Variants in LRRC9 observed in about 807,000 individuals in gnomAD.
The protein encoded by LRRC9 is leucine-rich repeat-containing protein 9.
LRRC9 carries 122 observed loss-of-function variants against 63.2 expected under a neutral mutation model. That is an observed-to-expected ratio of 1.93 (90% CI 1.67 to 2.24). The LOEUF (loss-of-function observed/expected upper bound fraction) is 2.24, where lower values mean the gene tolerates loss of function less well. Ranked by LOEUF, LRRC9 falls within the 30% of genes most tolerant of loss-of-function variation. The pLI, the probability that LRRC9 is intolerant of heterozygous loss-of-function variation, is 0.00. For missense variants in LRRC9, 1,071 were observed against 627.7 expected, an observed-to-expected ratio of 1.71 and a Z score of -7.55; for synonymous variants, 366 against 213.1, an observed-to-expected ratio of 1.72 and a Z score of -6.25.
intron 31 of LRRC9, among the ~76,000 whole-genome samples, chr14:60,062,489 G>A (rs925646453): frequency 3.3e-5 from 5 of 152,132 alleles, no homozygotes; most frequent in African/African-American, 1.2e-4. Flanking sequence ...TACTTTAATT[G>A]TATCCTCTAC....
Position 59,974,579 on chromosome 14 carries a change from CCTCT to C in LRRC9, c.1512_1515del (p.Leu505LysfsTer11). The C allele has an allele frequency of 1.6e-6, 1 of 643,638 alleles. No homozygotes were observed. The highest frequency in any genetic ancestry group is 2.8e-6 in the Non-Finnish European group (1 of 359,888). 39.9% of individuals were successfully genotyped at this position (643,638 alleles called of 1,614,324 possible). A position where few individuals can be genotyped will look rare whatever the true frequency, so the allele number is the denominator to read the frequency against. On this transcript the variant is annotated frameshift_variant, in exon 13 of 32. Coordinates refer to ENST00000445360, the Ensembl canonical transcript of LRRC9. LOFTEE classifies it high-confidence loss of function. The stretch of plus-strand genomic sequence containing the variant: ...AGACTTTGTTTTTTCTTTGCAGCTG[CCTCT>C]CAAAAAAGAAGCCATCATTGTTTCT...
At chr14:60,020,550 G>A (rs1424533560) in intron 26 of LRRC9, among the ~76,000 whole-genome samples, 1 of 151,800 alleles carries the variant, frequency 6.6e-6, no homozygotes, top group Non-Finnish European at 1.5e-5. Context: ...AATTTATAGA[G>A]TTGTATAATC....
chr14:59,930,331 C>T lies in LRRC9; in HGVS notation c.268-587C>T, dbSNP rs944118236. Reference sequence around the variant, plus strand: ...AGAAGTCCCTACACTAAGATTTTATCCTAGAAAAGTTAACTCAATAGCAGA... The same window carrying T: ...AGAAGTCCCTACACTAAGATTTTATTCTAGAAAAGTTAACTCAATAGCAGA... On this transcript the variant is annotated intron_variant, in intron 3 of 31. Coordinates refer to ENST00000445360, the Ensembl canonical transcript of LRRC9. This position sits in a 1 kb window ranked among gnomAD's most constrained non-coding sequence, Gnocchi z 4.9. 1.3e-5 allele frequency among the ~76,000 whole-genome samples: 2 copies of T among 151,938 alleles called. No homozygotes were observed. The highest frequency in any genetic ancestry group is 1.3e-4 in the Admixed American group (2 of 15,228).
chr14:59,952,737 C>T (rs1883300540), intron 8 of LRRC9, among the ~76,000 whole-genome samples: 1 of 152,108 alleles, frequency 6.6e-6, no homozygotes, highest in African/African-American at 2.4e-5. Context: ...GTTTGCTGCA[C>T]CTATCAACCT....
At chr14:60,033,051 G>C (rs1218332269) in intron 29 of LRRC9, among the ~76,000 whole-genome samples, 1 of 151,920 alleles carries the variant, frequency 6.6e-6, no homozygotes, top group Non-Finnish European at 1.5e-5. Flanking sequence ...TCTCCATAAA[G>C]ATTTTAATCA....
chr14:59,937,698 G>A (rs1881188232), intron 6 of LRRC9, among the ~76,000 whole-genome samples: 1 of 152,090 alleles, frequency 6.6e-6, no homozygotes, highest in Non-Finnish European at 1.5e-5. Context: ...AGAGCCAGAT[G>A]ACAAATAAAG....
At chr14:59,941,289 A>G (rs902920033) in intron 7 of LRRC9, among the ~76,000 whole-genome samples, 2 of 151,956 alleles carry the variant, frequency 1.3e-5, no homozygotes, top group African/African-American at 2.4e-5. Flanking sequence ...GATGGGAAAC[A>G]TAAGTGGGAA....
At chr14:60,055,905 G>GC (rs1894248555) in intron 30 of LRRC9, among the ~76,000 whole-genome samples, 1 of 55,650 alleles carries the variant, frequency 1.8e-5, no homozygotes, top group Admixed American at 2.3e-4. Flanking sequence ...ACCCTGTCTT[G>GC]GAAAAAAAAA....
intron 16 of LRRC9, among the ~76,000 whole-genome samples, chr14:59,983,990 G>C (rs1474484520): frequency 6.6e-6 from 1 of 152,194 alleles, no homozygotes; most frequent in Non-Finnish European, 1.5e-5. Flanking sequence ...CACTGCCTAA[G>C]TCTGCTAAGG....
At position 59,966,745 on chromosome 14, in the gene LRRC9, T is replaced by A; in HGVS notation, c.1368T>A (p.Asn456Lys). 1 of 675,348 alleles carries A rather than the reference T, an allele frequency of 1.5e-6. No individual in the cohort carries two copies. The allele number at this position is 675,348 out of a possible 1,614,324, so 41.8% of individuals were successfully genotyped here. ...AGAAATTTCAAAAGTTTTTGGAGAATGAAGATATGCATGATTCAGAGTAAG... is the reference window on the plus strand; with the variant it reads ...AGAAATTTCAAAAGTTTTTGGAGAAAGAAGATATGCATGATTCAGAGTAAG... The change falls in exon 11 of 32, where the codon AAT (asparagine) becomes AAA (lysine). Residue 456 changes from asparagine (N) to lysine (K), a missense_variant. Coordinates refer to ENST00000445360, the Ensembl canonical transcript of LRRC9. This position sits in a 1 kb window ranked among gnomAD's most constrained non-coding sequence, Gnocchi z 4.0.
chr14:60,013,235 T>C (rs939206119), intron 23 of LRRC9, among the ~76,000 whole-genome samples: 2 of 151,816 alleles, frequency 1.3e-5, no homozygotes, highest in Non-Finnish European at 2.9e-5. Flanking sequence ...TATAGAAATA[T>C]AGATATCAAG....
At chr14:60,023,155 A>G (rs1268436110) in intron 27 of LRRC9, among the ~76,000 whole-genome samples, 1 of 152,056 alleles carries the variant, frequency 6.6e-6, no homozygotes, top group East Asian at 1.9e-4. Flanking sequence ...ATAATTCACA[A>G]GTATTTATTA....
intron 31 of LRRC9, 38 bp from the exon 32 acceptor site, chr14:60,061,973 T>C (rs1251181059): frequency 1.0e-5 from 4 of 398,530 alleles, no homozygotes; most frequent in African/African-American, 8.2e-5. Context: ...CATTGTTTCA[T>C]AATTTTAATT....
intron 8 of LRRC9, among the ~76,000 whole-genome samples, chr14:59,948,051 A>G (rs1882658656): frequency 7.2e-6 from 1 of 139,244 alleles, no homozygotes; most frequent in Admixed American, 7.2e-5. Flanking sequence ...GAAGAAAGTC[A>G]TTGGTAGCTT....
chr14:59,992,667 A>G (rs1049731257), intron 17 of LRRC9, among the ~76,000 whole-genome samples: 4 of 152,220 alleles, frequency 2.6e-5, no homozygotes, highest in Non-Finnish European at 5.9e-5. Context: ...CAAATACACA[A>G]GCTTAGTAGC....
rs1884082776 is a variant in LRRC9, at chr14:59,958,928, G to T, written c.883-890G>T. 6.6e-6 allele frequency among the ~76,000 whole-genome samples: 1 copy of T among 152,184 alleles called. No individual in the cohort carries two copies. On this transcript the variant is annotated intron_variant, in intron 8 of 31. Transcript: ENST00000445360. The surrounding 1 kb of genome is among the most constrained non-coding windows in gnomAD (Gnocchi z 4.0). ...CCCACCCTGCTTCTGCTCACCCTCTGTGGGTTGGACCCACTGTCTAACCAG... is the reference window on the plus strand; with the variant it reads ...CCCACCCTGCTTCTGCTCACCCTCTTTGGGTTGGACCCACTGTCTAACCAG...
At chr14:59,949,833 CTA>C (rs1233314896) in intron 8 of LRRC9, among the ~76,000 whole-genome samples, 1 of 143,096 alleles carries the variant, frequency 7.0e-6, no homozygotes, top group African/African-American at 2.7e-5. Context: ...ATCCTGAGTT[CTA>C]GTTTGATTGC....
At position 59,930,463 on chromosome 14, in the gene LRRC9, CTT is replaced by C. The variant is rs1484994382; in HGVS notation, c.268-454_268-453del. 6.6e-6 allele frequency among the ~76,000 whole-genome samples: 1 copy of C among 151,714 alleles called. No individual in the cohort carries two copies. The highest frequency in any genetic ancestry group is 1.5e-5 in the Non-Finnish European group (1 of 67,878). On this transcript the variant is annotated intron_variant, in intron 3 of 31. Coordinates refer to ENST00000445360, the Ensembl canonical transcript of LRRC9. The surrounding 1 kb of genome is among the most constrained non-coding windows in gnomAD (Gnocchi z 4.9). ...TAATTTTTCAGAAAATTATTATAAA[CTT>C]GAAATATTTCATAATTATTAAATAT...
At chr14:60,064,696 T>G (rs1894839178), downstream of LRRC9, among the ~76,000 whole-genome samples, 1 of 152,232 alleles carries the variant, frequency 6.6e-6, no homozygotes, top group South Asian at 2.1e-4. Context: ...GAAGATGTCT[T>G]TGTTGCCCTT....
Sources: gnomAD v4.1 joint callset for allele counts (sites outside exome capture counted in the v4.1 genomes callset) on GRCh38, gnomAD v4.1.1 for gene constraint, Gnocchi (gnomAD v3.1) non-coding constraint, MANE v1.5 for transcripts, NCBI Gene and HGNC (gene_info 2026-07-23, HGNC 2026-07-21) for gene names.